STRC: variants seen among roughly 807,000 people sequenced by gnomAD.
STRC encodes stereocilin.
In STRC, 43 loss-of-function variants were observed where a neutral mutation model predicts 103.5. That is an observed-to-expected ratio of 0.42 (90% CI 0.33 to 0.54). The LOEUF is 0.54. STRC is among the 20% of genes least tolerant of loss of function. The pLI is 0.14. For missense variants in STRC, 499 were observed against 1,088.5 expected (o/e 0.46, Z 7.62); for synonymous variants, 186 against 442.3 (o/e 0.42, Z 7.27).
chr15:43,604,080 G>T lies in STRC; in HGVS notation c.4291C>A (p.Gln1431Lys). 5.6e-6 allele frequency: 9 copies of T among 1,613,308 alleles called. No homozygotes were observed. Among genetic ancestry groups the T allele is most frequent in the Non-Finnish European group, 7.6e-6 (9 of 1,179,662 alleles). ...GCAAGCTGTGGCTCCCTACACAGCT[G>T]TCCAACTCTGCTCTGCTCCCAGCTC... ...QQSWEQSRVG[Q>K]LCREPQLAAK... Residue 1431 changes from glutamine (Q) to lysine (K), a missense_variant, in exon 22 of 29, where the codon CAG (glutamine) becomes AAG (lysine). By Grantham distance (53) the Gln-to-Lys change is moderately conservative. Transcript: ENST00000450892.
At chr15:43,605,101 A>G (rs2085702424) in intron 19 of STRC, 163 bp downstream of exon 19, 2 of 1,408,878 alleles carry the variant, frequency 1.4e-6, no homozygotes, top group Admixed American at 4.0e-5. Flanking sequence ...ATTATCAAGG[A>G]ACAGAACCCA....
intron 18 of STRC, among the ~76,000 whole-genome samples, 168 bp from the exon 19 acceptor site, chr15:43,605,567 C>T (rs1394630034): frequency 6.7e-6 from 1 of 150,116 alleles, no homozygotes; most frequent in Non-Finnish European, 1.5e-5. Context: ...CACCATCAAG[C>T]TTGAGTGGGG....
In STRC at chr15:43,618,108, C is replaced by CGG. The variant is rs1356318771; in HGVS notation, c.311_312dup (p.Asp105ProfsTer7). 2 of 1,416,410 alleles carry CGG rather than the reference C, an allele frequency of 1.4e-6. No individual in the cohort carries two copies. Among genetic ancestry groups the CGG allele is most frequent in the Non-Finnish European group, 1.9e-6 (2 of 1,036,494 alleles). 87.7% of individuals were successfully genotyped at this position (1,416,410 alleles called of 1,614,324 possible). A position where few individuals can be genotyped will look rare whatever the true frequency, so the allele number is the denominator to read the frequency against. On this transcript the variant is annotated frameshift_variant, in exon 2 of 29. Transcript: ENST00000450892. LOFTEE classifies it high-confidence loss of function. ...AGCAGCCCTAGCATTGGCTCCCAGT[C>CGG]GGGGCTACCTCTCAGTGTCACTAGA...
rs147963245 is a variant in STRC, at chr15:43,600,951, C to T, written c.4765G>A (p.Val1589Ile). 6.0e-4 allele frequency: 968 copies of T among 1,606,880 alleles called. 15 individuals are homozygous for T. Among genetic ancestry groups the T allele is most frequent in the Non-Finnish European group, 6.9e-4 (813 of 1,178,390 alleles). Reference protein sequence around the residue: ...SGRHVSHLDFVHLTALGYTLC... With the variant: ...SGRHVSHLDFIHLTALGYTLC... Reference sequence around the variant, plus strand: ...GTATAACCCAGCGCTGTCAGATGAACGAAGTCCAGGTGGCTCACATGCCGA... The same window carrying T: ...GTATAACCCAGCGCTGTCAGATGAATGAAGTCCAGGTGGCTCACATGCCGA... The change falls in exon 25 of 29, where the codon GTT becomes ATT. Residue 1589 changes from valine to isoleucine, a missense_variant. By Grantham distance (29) the Val-to-Ile change is conservative. Transcript: ENST00000450892.
At chr15:43,610,147 C>A in intron 15 of STRC, 165 bp downstream of exon 15, 1 of 1,282,306 alleles carries the variant, frequency 7.8e-7, no homozygotes, top group Non-Finnish European at 1.1e-6. Context: ...ACAGCGAACT[C>A]TGATCATGCC....
chr15:43,601,495 G>C lies in STRC; in HGVS notation c.4602C>G (p.Leu1534=), dbSNP rs143487165. 3.5e-5 allele frequency: 56 copies of C among 1,613,690 alleles called. 1 individual carries two copies. The African/African-American group carries it at 6.4e-4, about 18-fold the overall frequency. The change falls in exon 24 of 29, where the codon CTC becomes CTG. Residue 1534 remains leucine (L), a synonymous_variant. Coordinates refer to ENST00000450892, the MANE Select transcript of STRC (RefSeq NM_153700.2). Reference sequence around the variant, plus strand: ...GTTCCCGATCTCCTAGACCTATTAAGAGCCTACCAAGCTGCAGGATCTGCT... The same window carrying C: ...GTTCCCGATCTCCTAGACCTATTAACAGCCTACCAAGCTGCAGGATCTGCT... ...RPEQILQLGR[L]LIGLGDRELQ... is the part of the protein sequence containing the mutation.
intron 23 of STRC, 132 bp from the exon 24 acceptor site, chr15:43,601,683 C>G: frequency 1.1e-6 from 1 of 941,918 alleles, no homozygotes; most frequent in Non-Finnish European, 1.7e-6. Context: ...TTAGTTTCCT[C>G]CACTATAAAA....
rs59946403 is a variant in STRC, at chr15:43,605,611, TA to T, written c.3795-213del. On this transcript the variant is annotated intron_variant, in intron 18 of 28. Transcript: ENST00000450892. Reference sequence around the variant, plus strand: ...GGGAGCAACATATTTCTAGTCTTCCTAAAAAAAAAAAATAACGAACAATCCT... The same window carrying T: ...GGGAGCAACATATTTCTAGTCTTCCTAAAAAAAAAAATAACGAACAATCCT... Among the ~76,000 whole-genome samples, 30,888 of 127,528 alleles carry T rather than the reference TA, an allele frequency of 0.24. 6,183 individuals are homozygous for T. Among genetic ancestry groups the T allele is most frequent in the African/African-American group, 0.55 (18,223 of 32,974 alleles). 83.7% of individuals were successfully genotyped at this position (127,528 alleles called of 152,430 possible). A position where few individuals can be genotyped will look rare whatever the true frequency, so the allele number is the denominator to read the frequency against.
chr15:43,602,667 T>G (rs1187144338), intron 23 of STRC: 1 of 133,936 alleles, frequency 7.5e-6, no homozygotes, highest in African/African-American at 3.0e-5. Context: ...TTTTTTGAGA[T>G]GGAGTCTTGC....
At chr15:43,606,632 A>G (rs1392714217) in intron 18 of STRC, among the ~76,000 whole-genome samples, 7 of 127,108 alleles carry the variant, frequency 5.5e-5, no homozygotes, top group Non-Finnish European at 1.0e-4. Context: ...ATAAATAAAT[A>G]AATCCCTTTT....
At chr15:43,603,128 T>A in intron 23 of STRC, 114 bp downstream of exon 23, 1 of 1,149,358 alleles carries the variant, frequency 8.7e-7, no homozygotes, top group South Asian at 1.3e-5. Flanking sequence ...ATCTTCTAAC[T>A]CTTCTATCTC....
chr15:43,604,724 C>T lies in STRC; in HGVS notation c.4053G>A (p.Gln1351=), dbSNP rs760598898. 1.9e-6 allele frequency: 3 copies of T among 1,613,550 alleles called. No individual in the cohort carries two copies. The Admixed American group carries it at 5.0e-5, about 27-fold the overall frequency. Residue 1351 remains glutamine (Q), a synonymous_variant, in exon 20 of 29, where the codon CAG becomes CAA. Transcript: ENST00000450892. ...PLQILLSHLS[Q]LQGFCLGETF... is the part of the protein sequence containing the mutation. The stretch of plus-strand genomic sequence containing the variant: ...TCTCTCCTAGGCAGAAGCCTTGCAG[C>T]TGACTGAGATGGGACAGCAGGATCT...
chr15:43,601,587 C>T (rs778047689), intron 23 of STRC, 36 bp from the exon 24 acceptor site: 13 of 1,610,414 alleles, frequency 8.1e-6, no homozygotes, highest in African/African-American at 1.3e-5. Flanking sequence ...AGTGGAAAAG[C>T]AGTGGATTGG....
Position 43,600,963 on chromosome 15 carries a change from G to A in STRC, c.4753C>T (p.His1585Tyr), listed in dbSNP as rs985772048. 3.1e-6 allele frequency: 5 copies of A among 1,598,232 alleles called. No individual in the cohort carries two copies. Among genetic ancestry groups the A allele is most frequent in the Non-Finnish European group, 4.3e-6 (5 of 1,173,136 alleles). ...FLRQSGRHVS[H>Y]LDFVHLTALG... ...GCTGTCAGATGAACGAAGTCCAGGT[G>A]GCTCACATGCCGACCACTCTGCCGT... The change falls in exon 25 of 29, where the codon CAC (histidine) becomes TAC (tyrosine). Residue 1585 changes from histidine (H) to tyrosine (Y), a missense_variant. Coordinates refer to ENST00000450892, the MANE Select transcript of STRC (RefSeq NM_153700.2).
chr15:43,609,138 G>T, intron 16 of STRC, 138 bp downstream of exon 16: 2 of 750,934 alleles, frequency 2.7e-6, no homozygotes, highest in Non-Finnish European at 4.8e-6. Context: ...GAGGTGCTAG[G>T]AGAACGTCCA....
At position 43,601,527 on chromosome 15, in the gene STRC, G is replaced by C. The variant is rs147990592; in HGVS notation, c.4570C>G (p.Arg1524Gly). 5.8e-5 allele frequency: 93 copies of C among 1,613,732 alleles called. 1 individual carries two copies. The Middle Eastern group carries it at 9.9e-4, about 17-fold the overall frequency. The change falls in exon 24 of 29, where the codon CGT becomes GGT. Residue 1524 changes from arginine to glycine, a missense_variant. Coordinates refer to ENST00000450892, the MANE Select transcript of STRC (RefSeq NM_153700.2). ...CCAAGCTGCAGGATCTGCTCAGGAC[G>C]AAATCCCCGGGGGGGACCCCACAAC... ...KQLWGPPRGF[R>G]PEQILQLGRL...
chr15:43,600,835 C>CCT (rs753086169), intron 25 of STRC, 37 bp downstream of exon 25: 5 of 1,613,760 alleles, frequency 3.1e-6, no homozygotes, highest in Non-Finnish European at 4.2e-6. Flanking sequence ...TCCACCTTTA[C>CCT]CTCAGCACCA....
intron 18 of STRC, among the ~76,000 whole-genome samples, chr15:43,606,605 TATAA>T (rs1225709583): frequency 3.1e-5 from 4 of 129,152 alleles, no homozygotes; most frequent in Non-Finnish European, 5.1e-5. Flanking sequence ...GTCTCAAAAA[TATAA>T]ATAAATAAAC....
At chr15:43,605,518 G>A in intron 18 of STRC, 119 bp from the exon 19 acceptor site, 1 of 1,519,840 alleles carries the variant, frequency 6.6e-7, no homozygotes, top group Non-Finnish European at 8.9e-7. Flanking sequence ...TAGTGAAGCT[G>A]GACAGGAACT....
Sources: gnomAD v4.1 joint callset for allele counts (sites outside exome capture counted in the v4.1 genomes callset) on GRCh38, gnomAD v4.1.1 for gene constraint, MANE v1.5 for transcripts, NCBI Gene and HGNC (gene_info 2026-07-23, HGNC 2026-07-21) for gene names.